ASB4: variants seen among roughly 807,000 people sequenced by gnomAD.
The protein encoded by ASB4 is ankyrin repeat and SOCS box containing 4.
A neutral mutation model predicts 38.6 loss-of-function variants in ASB4; 35 were observed. The observed-to-expected ratio is 0.91, with a 90% CI of 0.69 to 1.20. ASB4 has a LOEUF of 1.20. ASB4 is among the 50% of genes most tolerant of loss of function. The pLI, the probability that ASB4 is intolerant of heterozygous loss-of-function variation, is 0.00. For missense variants in ASB4, 557 were observed against 527.2 expected, an observed-to-expected ratio of 1.06 and a Z score of -0.55; for synonymous variants, 195 against 201.3, an observed-to-expected ratio of 0.97 and a Z score of 0.26.
intron 2 of ASB4, among the ~76,000 whole-genome samples, chr7:95,517,861 G>C (rs959839413): frequency 6.6e-6 from 1 of 152,082 alleles, no homozygotes; most frequent in Non-Finnish European, 1.5e-5. Flanking sequence ...AGAAATTGGA[G>C]GTTAGCTAAA....
intron 2 of ASB4, among the ~76,000 whole-genome samples, chr7:95,501,647 T>C (rs1308314251): frequency 2.0e-5 from 3 of 152,238 alleles, no homozygotes; most frequent in African/African-American, 7.2e-5. Context: ...ACTTTTTACA[T>C]TGTGGCCTTT....
the ASB4 span, among the ~76,000 whole-genome samples, chr7:95,549,539 C>T: frequency 0.44 from 66,710 of 151,572 alleles, 15,025 homozygotes; most frequent in East Asian, 0.82. Context: ...CTTCGTGATC[C>T]GCCCGCCTTG....
intron 2 of ASB4, among the ~76,000 whole-genome samples, chr7:95,504,189 C>A (rs1376456106): frequency 2.6e-5 from 4 of 152,176 alleles, no homozygotes; most frequent in Non-Finnish European, 5.9e-5. Context: ...CTTTACTCTG[C>A]ATGAAGCAAA....
chr7:95,502,595 A>G (rs1163566252), intron 2 of ASB4, among the ~76,000 whole-genome samples: 2 of 152,220 alleles, frequency 1.3e-5, no homozygotes, highest in Admixed American at 1.3e-4. Context: ...CTGGGGAGAA[A>G]GAAAAAGAAA....
chr7:95,515,456 G>C (rs974078365), intron 2 of ASB4, among the ~76,000 whole-genome samples: 1 of 126,486 alleles, frequency 7.9e-6, no homozygotes, highest in African/African-American at 3.1e-5. Context: ...TCATTCTGTC[G>C]CTAGGTTGGA....
chr7:95,508,450 T>C (rs2116611900), intron 2 of ASB4, among the ~76,000 whole-genome samples: 1 of 152,326 alleles, frequency 6.6e-6, no homozygotes, highest in African/African-American at 2.4e-5. Flanking sequence ...ATATTATATT[T>C]TCTATAATTA....
Position 95,485,962 on chromosome 7 carries a change from G to A in ASB4, c.-10G>A. On this transcript the variant is annotated 5_prime_UTR_variant, in exon 1 of 5. Transcript: ENST00000325885. ...TAAATCACAACAAAGCTTCCAGAGG[G>A]AGAGGAAGGATGGACGGCACCACTG... 1.2e-6 allele frequency: 2 copies of A among 1,612,234 alleles called. No individual in the cohort carries two copies. Among genetic ancestry groups the A allele is most frequent in the Non-Finnish European group, 1.7e-6 (2 of 1,178,770 alleles).
At chr7:95,542,142 T>G (rs979484086), downstream of ASB4, 13 of 151,308 alleles carry the variant, frequency 8.6e-5, no homozygotes, top group African/African-American at 3.2e-4. Context: ...CTCTGATAAA[T>G]GTGGGAAGAA....
chr7:95,485,373 C>A (rs759410436), upstream of ASB4, among the ~76,000 whole-genome samples: 2 of 151,990 alleles, frequency 1.3e-5, no homozygotes, highest in South Asian at 4.1e-4. Flanking sequence ...TGCCCCGGAC[C>A]GTCTCCCCAC....
chr7:95,501,824 C>T (rs1790342624), intron 2 of ASB4, among the ~76,000 whole-genome samples: 1 of 152,090 alleles, frequency 6.6e-6, no homozygotes, highest in African/African-American at 2.4e-5. Flanking sequence ...GAAGCTTGGG[C>T]AATGCTTGTA....
the ASB4 span, among the ~76,000 whole-genome samples, chr7:95,545,333 G>T: frequency 1.3e-5 from 2 of 152,270 alleles, no homozygotes; most frequent in East Asian, 3.9e-4. Context: ...CAGTTTCAAA[G>T]AATTTTGCTC....
intron 3 of ASB4, among the ~76,000 whole-genome samples, chr7:95,530,104 G>T (rs1159792774): frequency 2.4e-5 from 1 of 41,132 alleles, no homozygotes; most frequent in Non-Finnish European, 5.2e-5. Context: ...AAAAAGCAGG[G>T]CAAAAAAAAA....
At chr7:95,504,515 A>G (rs1466994479) in intron 2 of ASB4, among the ~76,000 whole-genome samples, 1 of 152,174 alleles carries the variant, frequency 6.6e-6, no homozygotes, top group Non-Finnish European at 1.5e-5. Flanking sequence ...TTGTAATAGC[A>G]TAAATCTGAC....
chr7:95,498,579 A>G (rs1790284677), intron 2 of ASB4, among the ~76,000 whole-genome samples: 1 of 152,178 alleles, frequency 6.6e-6, no homozygotes, highest in Admixed American at 6.5e-5. Context: ...TTCTTGATAT[A>G]TATTCCGAAT....
At chr7:95,496,246 T>C in intron 2 of ASB4, 189 bp downstream of exon 2, 1 of 521,128 alleles carries the variant, frequency 1.9e-6, no homozygotes, top group Non-Finnish European at 3.3e-6. Context: ...TAAAATCTTA[T>C]TATCTAATAG....
upstream of ASB4, among the ~76,000 whole-genome samples, chr7:95,484,880 T>G (rs43066): frequency 1.3e-5 from 2 of 151,656 alleles, no homozygotes; most frequent in Non-Finnish European, 2.9e-5. Context: ...TGGATACCAA[T>G]ATATCCCTTA....
In ASB4 at chr7:95,528,034, A is replaced by C. The variant is rs371982870; in HGVS notation, c.709A>C (p.Met237Leu). ...CACGGAGCACCACCTGGTCTGCCGC[A>C]TGCTGCTTGACTACAAAGCCGAAGT... Reference protein sequence around the residue: ...YSTEHHLVCRMLLDYKAEVNA... With the variant: ...YSTEHHLVCRLLLDYKAEVNA... Residue 237 changes from methionine (M) to leucine (L), a missense_variant, in exon 3 of 5, where the codon ATG (methionine) becomes CTG (leucine). Transcript: ENST00000325885. The C allele has an allele frequency of 6.8e-6, 11 of 1,613,992 alleles. No homozygotes were observed. Among genetic ancestry groups the C allele is most frequent in the South Asian group, 1.1e-5 (1 of 91,076 alleles).
intron 1 of ASB4, among the ~76,000 whole-genome samples, chr7:95,480,290 A>G (rs1790011942): frequency 1.3e-5 from 2 of 152,156 alleles, no homozygotes; most frequent in East Asian, 3.9e-4. Flanking sequence ...CCACTGGTAT[A>G]AAAGCTCCAT....
chr7:95,487,664 G>C (rs1044588131), intron 1 of ASB4, among the ~76,000 whole-genome samples: 1 of 152,166 alleles, frequency 6.6e-6, no homozygotes, highest in African/African-American at 2.4e-5. Flanking sequence ...TGAAGGAAAA[G>C]AAAATACATT....
Sources: allele counts gnomAD v4.1 joint callset (sites outside exome capture counted in the v4.1 genomes callset), GRCh38; gene constraint gnomAD v4.1.1; transcripts MANE v1.5; gene names NCBI Gene and HGNC (gene_info 2026-07-23, HGNC 2026-07-21).